KIF5A: variants seen among roughly 807,000 people sequenced by gnomAD.
KIF5A encodes the protein kinesin family member 5A, also known as kinesin heavy chain isoform 5A.
In KIF5A, 35 loss-of-function variants were observed where a neutral mutation model predicts 141.3. That is an observed-to-expected ratio of 0.25 (90% CI 0.19 to 0.33). The LOEUF (loss-of-function observed/expected upper bound fraction) is 0.33. KIF5A is among the 10% of genes least tolerant of loss of function. The pLI, the probability that KIF5A is intolerant of heterozygous loss-of-function variation, is 1.00. For missense variants in KIF5A, 861 were observed against 1,314.3 expected (o/e 0.66, Z 5.33); for synonymous variants, 448 against 500.2 (o/e 0.90, Z 1.39).
chr12:57,564,797 G>A, intron 5 of KIF5A, 121 bp from the exon 6 acceptor site: 1 of 968,826 alleles, frequency 1.0e-6, no homozygotes, highest in Non-Finnish European at 1.6e-6. Flanking sequence ...GGGAGTTTAG[G>A]CTTCACAGGG....
chr12:57,564,431 C>T (rs969213791), intron 4 of KIF5A, 29 bp from the exon 5 acceptor site: 18 of 1,575,240 alleles, frequency 1.1e-5, no homozygotes, highest in Non-Finnish European at 1.6e-5. Flanking sequence ...GCCCTCTTTA[C>T]TTCACACTCC....
chr12:57,570,208 G>C, intron 12 of KIF5A, 46 bp downstream of exon 12: 1 of 1,582,044 alleles, frequency 6.3e-7, no homozygotes, highest in Non-Finnish European at 8.7e-7. Context: ...GGTGGGATGA[G>C]AGGTAGACGA....
Position 57,569,692 on chromosome 12 carries a change from G to A in KIF5A, c.1117+9G>A, listed in dbSNP as rs756055920. The A allele has an allele frequency of 2.5e-6, 4 of 1,612,982 alleles. No individual in the cohort carries two copies. In the Admixed American group the frequency reaches 5.0e-5, roughly 20 times the overall value. ...GAGCCGGTGGCGCAATGGTTAGAGA[G>A]GGATAGGTGGGAGTGAGGGGCAGTG... On this transcript the variant is annotated intron_variant, in intron 11 of 28. Transcript: ENST00000455537.
In KIF5A at chr12:57,575,773, A is replaced by G. The variant is rs758683870; in HGVS notation, c.2023+16A>G. Reference sequence around the variant, plus strand: ...CAGGCCCAGGGTGAGGCCTTCTTATACCTCCATCCCACTGTCCAGGGCAGA... The same window carrying G: ...CAGGCCCAGGGTGAGGCCTTCTTATGCCTCCATCCCACTGTCCAGGGCAGA... On this transcript the variant is annotated intron_variant, in intron 17 of 28. Coordinates refer to ENST00000455537, the MANE Select transcript of KIF5A (RefSeq NM_004984.4). 2 of 1,535,898 alleles carry G rather than the reference A, an allele frequency of 1.3e-6. No homozygotes were observed. The highest frequency in any genetic ancestry group is 1.7e-5 in the Admixed American group (1 of 59,938).
In KIF5A at chr12:57,569,526, C is replaced by T; in HGVS notation, c.969-9C>T. ...CTCTCATTTCTTTGTTCCTCTTCTC[C>T]TCACCCAGGGCAAAGACCATTAAGA... is the stretch of plus-strand genomic sequence containing the variant. On this transcript the variant is annotated splice_polypyrimidine_tract_variant and intron_variant, in intron 10 of 28. Coordinates refer to ENST00000455537, the MANE Select transcript of KIF5A (RefSeq NM_004984.4). 2 of 1,614,102 alleles carry T rather than the reference C, an allele frequency of 1.2e-6. No homozygotes were observed. Among genetic ancestry groups the T allele is most frequent in the Admixed American group, 1.7e-5 (1 of 60,006 alleles).
chr12:57,558,801 G>A (rs1447770111), intron 1 of KIF5A, among the ~76,000 whole-genome samples: 1 of 152,130 alleles, frequency 6.6e-6, no homozygotes, highest in African/African-American at 2.4e-5. Flanking sequence ...TTCAAGACAG[G>A]GTCTCACTCT....
rs1482571429 is a variant in KIF5A at position 57,566,005 on chromosome 12, G to A, written c.501+1032G>A. On this transcript the variant is annotated intron_variant, in intron 6 of 28. Coordinates refer to ENST00000455537, the MANE Select transcript of KIF5A (RefSeq NM_004984.4). ...TCCCAGCTACTCAGGAGGCTGAGGC[G>A]GGAGAATTGCTTGAGCTCAAGAGTT... Among the ~76,000 whole-genome samples the A allele has an allele frequency of 2.6e-5, 4 of 151,814 alleles. No individual in the cohort carries two copies. In the East Asian group the frequency reaches 7.8e-4, roughly 29 times the overall value.
At chr12:57,558,294 C>G (rs943592843) in intron 1 of KIF5A, among the ~76,000 whole-genome samples, 1 of 151,702 alleles carries the variant, frequency 6.6e-6, no homozygotes, top group Non-Finnish European at 1.5e-5. Context: ...GTAATCCCAG[C>G]ACTTTGGGAG....
At position 57,576,387 on chromosome 12, in the gene KIF5A, T is replaced by A. The variant is rs780844299; in HGVS notation, c.2198+9T>A. 1 of 1,609,018 alleles carries A rather than the reference T, an allele frequency of 6.2e-7. No individual in the cohort carries two copies. Among genetic ancestry groups the A allele is most frequent in the Non-Finnish European group, 8.5e-7 (1 of 1,175,692 alleles). The stretch of plus-strand genomic sequence containing the variant: ...ATTGATGAGCTCAAAGAGTAAGGGT[T>A]CCCAAGGGCGACTCCAGCCCCTCCC... On this transcript the variant is annotated intron_variant, in intron 19 of 28. Transcript: ENST00000455537.
intron 12 of KIF5A, 67 bp downstream of exon 12, chr12:57,570,229 T>G: frequency 6.9e-7 from 1 of 1,448,306 alleles, no homozygotes; most frequent in Non-Finnish European, 9.6e-7. Context: ...TCAAAGAAAA[T>G]CGCTTATATT....
At chr12:57,574,742 G>T (rs1156666114) in intron 15 of KIF5A, among the ~76,000 whole-genome samples, 2 of 151,366 alleles carry the variant, frequency 1.3e-5, no homozygotes, top group African/African-American at 4.9e-5. Context: ...CATGATGCTT[G>T]GCTAATTTTG....
At chr12:57,581,692 C>A in intron 25 of KIF5A, 124 bp downstream of exon 25, 1 of 1,287,398 alleles carries the variant, frequency 7.8e-7, no homozygotes, top group Non-Finnish European at 1.1e-6. Context: ...CAACTTCATG[C>A]CTATGATTAG....
chr12:57,553,432 G>T (rs1482416409), intron 1 of KIF5A, among the ~76,000 whole-genome samples: 1 of 152,196 alleles, frequency 6.6e-6, no homozygotes, highest in African/African-American at 2.4e-5. Flanking sequence ...ATTGTTTGGG[G>T]TGGCCTGGGA....
chr12:57,570,194 G>T (rs766629242), intron 12 of KIF5A, 32 bp downstream of exon 12: 2 of 1,606,676 alleles, frequency 1.2e-6, no homozygotes, highest in South Asian at 1.1e-5. Flanking sequence ...ACTGAGGCAC[G>T]CCAGGTGGGA....
chr12:57,562,979 C>A (rs1360669399), intron 1 of KIF5A, among the ~76,000 whole-genome samples: 1 of 151,648 alleles, frequency 6.6e-6, no homozygotes, highest in Non-Finnish European at 1.5e-5. Context: ...CCTTTAGTTT[C>A]TCTTATTCTC....
chr12:57,562,895 C>G (rs1011215827), intron 1 of KIF5A, among the ~76,000 whole-genome samples: 6 of 152,072 alleles, frequency 3.9e-5, no homozygotes, highest in African/African-American at 1.4e-4. Context: ...CATCACACCA[C>G]GACTAAGATC....
intron 11 of KIF5A, 117 bp from the exon 12 acceptor site, chr12:57,569,870 A>G (rs1197788172): frequency 1.4e-6 from 2 of 1,407,016 alleles, no homozygotes; most frequent in African/African-American, 1.4e-5. Context: ...CCATACTCCC[A>G]AAAGGTAGAG....
Position 57,574,967 on chromosome 12 carries a change from C to T in KIF5A, c.1717-117C>T, listed in dbSNP as rs959687965. On this transcript the variant is annotated intron_variant, in intron 15 of 28. Transcript: ENST00000455537. ...GCTGCTAAAGGTCGTTTGGAAAATA[C>T]CCATCCCATTTGAGTCCCTGCGTAT... is the stretch of plus-strand genomic sequence containing the variant. 29 of 866,122 alleles carry T rather than the reference C, an allele frequency of 3.3e-5. No homozygotes were observed. In the Middle Eastern group the frequency reaches 7.9e-4, roughly 24 times the overall value. The allele number at this position is 866,122 out of a possible 1,614,324, so 53.7% of individuals were successfully genotyped here.
chr12:57,568,948 T>C lies in KIF5A; in HGVS notation c.715-15T>C, dbSNP rs1594916614. On this transcript the variant is annotated splice_polypyrimidine_tract_variant and intron_variant, in intron 8 of 28. Coordinates refer to ENST00000455537, the MANE Select transcript of KIF5A (RefSeq NM_004984.4). The stretch of plus-strand genomic sequence containing the variant: ...GCAGCTGCTCATACACACTCATCTC[T>C]TACTGCCCTGGTAGGTCAGCAAGAC... 6.2e-7 allele frequency: 1 copy of C among 1,600,386 alleles called. No individual in the cohort carries two copies. Among genetic ancestry groups the C allele is most frequent in the South Asian group, 1.1e-5 (1 of 90,702 alleles).
Sources: gnomAD v4.1 joint callset for allele counts (sites outside exome capture counted in the v4.1 genomes callset) on GRCh38, gnomAD v4.1.1 for gene constraint, MANE v1.5 for transcripts, NCBI Gene and HGNC (gene_info 2026-07-23, HGNC 2026-07-21) for gene names.